Variants in COPE observed in about 807,000 individuals in gnomAD.
COPE encodes coat protein complex I subunit epsilon.
COPE carries 19 observed loss-of-function variants against 42.1 expected under a neutral mutation model. The ratio of observed to expected loss-of-function variants is 0.45; its 90% CI spans 0.31 to 0.66. COPE has a LOEUF of 0.66. Among genes scored for constraint, COPE ranks in the 30% least tolerant of loss-of-function variants. COPE has a pLI of 0.05. For missense variants in COPE, 402 were observed against 416.1 expected (o/e 0.97, Z 0.30); for synonymous variants, 195 against 181.3 (o/e 1.08, Z -0.60).
rs368396421 is a variant in COPE, at chr19:18,912,979, C to T, written c.189+5G>A. 1.5e-5 allele frequency: 24 copies of T among 1,611,620 alleles called. No homozygotes were observed. Among genetic ancestry groups the T allele is most frequent in the Admixed American group, 5.0e-5 (3 of 60,004 alleles). On this transcript the variant is annotated splice_donor_5th_base_variant and intron_variant, in intron 2 of 9. Transcript: ENST00000262812. ...CTCTTGCCCCCGGCCAAGGCCCGCA[C>T]TCACCTGCGCCAGGTACGCTCTATA...
At position 18,903,379 on chromosome 19, in the gene COPE, C is replaced by T. The variant is rs1264539986; in HGVS notation, c.624G>A (p.Met208Ile). 1 of 1,613,334 alleles carries T rather than the reference C, an allele frequency of 6.2e-7. No homozygotes were observed. Among genetic ancestry groups the T allele is most frequent in the African/African-American group, 1.3e-5 (1 of 75,020 alleles). ...GCAGGGTGGGCGAGCACTTGTCAGC[C>T]ATCTCCTGGAAGATGTAGTAGGCAT... The part of the protein sequence containing the change: ...LQDAYYIFQE[M>I]ADKCSPTLLL... Residue 208 changes from methionine to isoleucine, a missense_variant, in exon 7 of 10, where the codon ATG (methionine) becomes ATA (isoleucine). Transcript: ENST00000262812.
At chr19:18,901,871 C>T (rs1231185512) in intron 7 of COPE, among the ~76,000 whole-genome samples, 1 of 152,150 alleles carries the variant, frequency 6.6e-6, no homozygotes, top group Non-Finnish European at 1.5e-5. Context: ...GCTTTGATGT[C>T]CTTTCTGATT....
intron 2 of COPE, among the ~76,000 whole-genome samples, chr19:18,911,797 C>T (rs2056813260): frequency 6.6e-6 from 1 of 151,944 alleles, no homozygotes; most frequent in South Asian, 2.1e-4. Context: ...TGTGATCCAC[C>T]CACCTTGGCC....
chr19:18,916,037 T>C (rs974923846), intron 1 of COPE, among the ~76,000 whole-genome samples: 1 of 152,100 alleles, frequency 6.6e-6, no homozygotes, highest in Admixed American at 6.5e-5. Context: ...CCTCAAAAAT[T>C]AGCCAGGTGT....
At chr19:18,907,587 C>A (rs546130718) in intron 3 of COPE, among the ~76,000 whole-genome samples, 4 of 152,210 alleles carry the variant, frequency 2.6e-5, no homozygotes, top group Non-Finnish European at 5.9e-5. Context: ...AGGGTGCTGG[C>A]TGCACCCTGA....
intron 9 of COPE, 45 bp downstream of exon 9, chr19:18,899,827 CG>C: frequency 6.2e-7 from 1 of 1,610,244 alleles, no homozygotes; most frequent in Non-Finnish European, 8.5e-7. Context: ...GAGCTCCAGG[CG>C]CCCCCTGGCC....
At chr19:18,912,612 C>A (rs1174570204) in intron 2 of COPE, among the ~76,000 whole-genome samples, 1 of 152,086 alleles carries the variant, frequency 6.6e-6, no homozygotes, top group Non-Finnish European at 1.5e-5. Flanking sequence ...TAAAAATTAG[C>A]CAGGCGTGGT....
In COPE at chr19:18,903,332, G is replaced by A. The variant is rs753657210; in HGVS notation, c.671C>T (p.Ala224Val). 4.3e-6 allele frequency: 7 copies of A among 1,612,480 alleles called. No individual in the cohort carries two copies. The highest frequency in any genetic ancestry group is 5.9e-6 in the Non-Finnish European group (7 of 1,179,488). Reference sequence around the variant, plus strand: ...CCAGCGGCCCTGGGCCATGTGGCAGGCCGCCTGCCCATTGAGCAGCAGCAG... The same window carrying A: ...CCAGCGGCCCTGGGCCATGTGGCAGACCGCCTGCCCATTGAGCAGCAGCAG... ...PTLLLLNGQA[A>V]CHMAQGRWEA... is the part of the protein sequence containing the mutation. The change falls in exon 7 of 10, where the codon GCC becomes GTC. Residue 224 changes from alanine (A) to valine (V), a missense_variant. Coordinates refer to ENST00000262812, the MANE Select transcript of COPE (RefSeq NM_007263.4).
chr19:18,905,340 C>G (rs2056748567), intron 5 of COPE, among the ~76,000 whole-genome samples: 1 of 152,162 alleles, frequency 6.6e-6, no homozygotes, highest in African/African-American at 2.4e-5. Flanking sequence ...CCACCCTCAC[C>G]CTGTGGGAGA....
intron 2 of COPE, 52 bp downstream of exon 2, chr19:18,912,932 C>G: frequency 6.3e-7 from 1 of 1,586,658 alleles, no homozygotes; most frequent in Non-Finnish European, 8.6e-7. Flanking sequence ...GTCCCCAGCC[C>G]CACCCTCTAC....
At chr19:18,914,885 T>A (rs763653484) in intron 1 of COPE, among the ~76,000 whole-genome samples, 7 of 150,294 alleles carry the variant, frequency 4.7e-5, no homozygotes, top group Non-Finnish European at 1.0e-4. Context: ...GTCTCCCGAG[T>A]AGCCGCGACT....
intron 3 of COPE, among the ~76,000 whole-genome samples, chr19:18,908,847 A>G (rs1024535069): frequency 2.0e-5 from 3 of 152,012 alleles, no homozygotes; most frequent in Non-Finnish European, 4.4e-5. Flanking sequence ...AAAATATACA[A>G]ATTAGCCAGG....
At chr19:18,909,343 G>GT (rs999639837) in intron 3 of COPE, among the ~76,000 whole-genome samples, 4 of 152,224 alleles carry the variant, frequency 2.6e-5, no homozygotes, top group Admixed American at 2.0e-4. Flanking sequence ...TCTGGAGGCC[G>GT]TAAGTCTGAA....
intron 3 of COPE, 54 bp from the exon 4 acceptor site, chr19:18,907,166 C>T (rs1243552672): frequency 6.4e-7 from 1 of 1,572,420 alleles, no homozygotes; most frequent in Non-Finnish European, 8.6e-7. Flanking sequence ...TGTGGGACCT[C>T]AGAGGGTCCC....
intron 1 of COPE, among the ~76,000 whole-genome samples, chr19:18,915,352 A>G (rs534084257): frequency 6.6e-6 from 1 of 152,248 alleles, no homozygotes; most frequent in Non-Finnish European, 1.5e-5. Context: ...TGCGTGCGGA[A>G]GTGCTCAGAG....
chr19:18,913,292 A>G (rs1474422262), intron 1 of COPE, among the ~76,000 whole-genome samples: 1 of 152,202 alleles, frequency 6.6e-6, no homozygotes, highest in Non-Finnish European at 1.5e-5. Flanking sequence ...TCCCAAGTTC[A>G]GTGTCTGCCC....
In COPE at chr19:18,906,973, C is replaced by A. The variant is rs1384104697; in HGVS notation, c.430G>T (p.Asp144Tyr). The change falls in exon 4 of 10, where the codon GAC becomes TAC. Residue 144 changes from aspartate (D) to tyrosine (Y), a missense_variant. By Grantham distance (160) the Asp-to-Tyr change is radical (BLOSUM62 -3). Transcript: ENST00000262812. ...GAGGCCACTCACCACTCCAGGCTGTCCCCCTGGTGCAGCGCACGCAGGGCG... is the reference window on the plus strand; with the variant it reads ...GAGGCCACTCACCACTCCAGGCTGTACCCCTGGTGCAGCGCACGCAGGGCG... ...DAALRALHQG[D>Y]SLECTAMTVQ... is the part of the protein sequence containing the mutation. 1 of 1,563,212 alleles carries A rather than the reference C, an allele frequency of 6.4e-7. No homozygotes were observed.
chr19:18,911,037 G>C lies in COPE; in HGVS notation c.224C>G (p.Pro75Arg). Residue 75 changes from proline (P) to arginine (R), a missense_variant, in exon 3 of 10, where the codon CCC becomes CGC. Transcript: ENST00000262812. ...GGCCTGGAGCTCAGGGGCCGAGGAG[G>C]GCTTGATCTCATCCAGGACCACACC... ...KFGVVLDEIKPSSAPELQAVR... is the reference protein window; with the variant it reads ...KFGVVLDEIKRSSAPELQAVR... 6.8e-6 allele frequency: 11 copies of C among 1,613,992 alleles called. No individual in the cohort carries two copies. The highest frequency in any genetic ancestry group is 9.3e-6 in the Non-Finnish European group (11 of 1,179,998).
chr19:18,903,562 G>A (rs972177377), intron 6 of COPE, 139 bp from the exon 7 acceptor site: 50 of 1,021,062 alleles, frequency 4.9e-5, no homozygotes, highest in South Asian at 1.7e-4. Flanking sequence ...CAGCCACTCC[G>A]CCATGGGGAC....
Sources: gnomAD v4.1 joint callset for allele counts (sites outside exome capture counted in the v4.1 genomes callset) on GRCh38, gnomAD v4.1.1 for gene constraint, MANE v1.5 for transcripts, NCBI Gene and HGNC (gene_info 2026-07-23, HGNC 2026-07-21) for gene names.